KCNK9: variants seen among roughly 807,000 people sequenced by gnomAD.
KCNK9 encodes potassium channel subfamily K member 9.
KCNK9 carries 1 observed loss-of-function variant against 10.8 expected under a neutral mutation model. The ratio of observed to expected loss-of-function variants is 0.09; its 90% confidence interval spans 0.03 to 0.44. The LOEUF is 0.44. Among genes scored for constraint, KCNK9 ranks in the 20% least tolerant of loss-of-function variants. KCNK9 has a pLI of 0.97. For synonymous variants in KCNK9, 231 were observed against 222.7 expected (o/e 1.04, Z -0.33); for missense variants, 303 against 515.0 (o/e 0.59, Z 3.98).
At chr8:139,603,884 C>T (rs561753272) in intron 2 of KCNK9, among the ~76,000 whole-genome samples, 5 of 152,354 alleles carry the variant, frequency 3.3e-5, no homozygotes, top group East Asian at 1.9e-4. Flanking sequence ...AGGTCATAAA[C>T]CAAGAGCCAG....
intron 1 of KCNK9, among the ~76,000 whole-genome samples, chr8:139,636,517 C>A (rs190693414): frequency 6.6e-6 from 1 of 152,244 alleles, no homozygotes; most frequent in Non-Finnish European, 1.5e-5. Context: ...AGACTCAGCT[C>A]CTGCTGCTGA....
intron 1 of KCNK9, among the ~76,000 whole-genome samples, chr8:139,635,434 C>T (rs1298687364): frequency 6.6e-6 from 1 of 152,228 alleles, no homozygotes; most frequent in Non-Finnish European, 1.5e-5. Flanking sequence ...GACAGGGACA[C>T]TTTTATGGTC....
intron 1 of KCNK9, among the ~76,000 whole-genome samples, chr8:139,662,874 G>GA (rs36125659): frequency 0.45 from 56,257 of 126,372 alleles, 15,300 homozygotes; most frequent in East Asian, 0.87. Flanking sequence ...GGTGGGGGAA[G>GA]GGGGGGGGGC....
intron 1 of KCNK9, among the ~76,000 whole-genome samples, chr8:139,687,534 G>GTATACATA (rs1178133503): frequency 8.1e-6 from 1 of 123,724 alleles, no homozygotes; most frequent in African/African-American, 3.2e-5. Flanking sequence ...TCATATATAT[G>GTATACATA]TATACACATA....
intron 1 of KCNK9, among the ~76,000 whole-genome samples, chr8:139,648,570 G>A (rs957041080): frequency 5.9e-5 from 9 of 152,192 alleles, no homozygotes; most frequent in African/African-American, 1.9e-4. Context: ...ACAAATTCAG[G>A]AACTCGCCGG....
At position 139,672,023 on chromosome 8, in the gene KCNK9, G is replaced by A. The variant is rs749584719; in HGVS notation, c.283+30687C>T. 7.2e-4 allele frequency among the ~76,000 whole-genome samples: 110 copies of A among 152,298 alleles called. 2 individuals carry two copies. The highest frequency in any genetic ancestry group is 2.4e-3 in the African/African-American group (100 of 41,578). ...GCCCTGATGAACATGATGCAGCATC[G>A]GCTTGAGGCTAGGAGAACAAGGGCG... On this transcript the variant is annotated intron_variant, in intron 1 of 1. Coordinates refer to ENST00000520439, the MANE Select transcript of KCNK9 (RefSeq NM_001282534.2).
intron 1 of KCNK9, among the ~76,000 whole-genome samples, chr8:139,645,068 G>A (rs181850975): frequency 6.0e-4 from 92 of 152,312 alleles, no homozygotes; most frequent in East Asian, 2.7e-3. Flanking sequence ...CTCCCGCACC[G>A]TGTAGGCTTT....
At chr8:139,655,316 G>A (rs1815990518) in intron 1 of KCNK9, among the ~76,000 whole-genome samples, 1 of 152,184 alleles carries the variant, frequency 6.6e-6, no homozygotes, top group Non-Finnish European at 1.5e-5. Context: ...GCCACCTCTT[G>A]TAATCACGAG....
chr8:139,669,196 T>A (rs1454703791), intron 1 of KCNK9, among the ~76,000 whole-genome samples: 1 of 152,194 alleles, frequency 6.6e-6, no homozygotes, highest in Non-Finnish European at 1.5e-5. Context: ...TGTCTTCATG[T>A]GAATGGCTGC....
chr8:139,630,791 T>A (rs1244226290), intron 1 of KCNK9, among the ~76,000 whole-genome samples: 1 of 152,172 alleles, frequency 6.6e-6, no homozygotes, highest in Non-Finnish European at 1.5e-5. Flanking sequence ...TGGAGAAGGC[T>A]GCGGTCAAGG....
chr8:139,642,686 C>T (rs1344146135), intron 1 of KCNK9, among the ~76,000 whole-genome samples: 1 of 152,254 alleles, frequency 6.6e-6, no homozygotes, highest in Non-Finnish European at 1.5e-5. Context: ...CTGAGACCTG[C>T]ACCCAGTCCT....
chr8:139,657,833 C>T (rs1816058055), intron 1 of KCNK9, among the ~76,000 whole-genome samples: 1 of 152,214 alleles, frequency 6.6e-6, no homozygotes, highest in Non-Finnish European at 1.5e-5. Flanking sequence ...GGGGAGGCCT[C>T]TCCAGGACTC....
intron 1 of KCNK9, among the ~76,000 whole-genome samples, chr8:139,676,293 C>A (rs1240479468): frequency 6.6e-6 from 1 of 152,226 alleles, no homozygotes; most frequent in Non-Finnish European, 1.5e-5. Flanking sequence ...GTGGTGGATT[C>A]CCCCAACCCA....
At chr8:139,609,589 C>T (rs1586623514), downstream of KCNK9, among the ~76,000 whole-genome samples, 1 of 152,346 alleles carries the variant, frequency 6.6e-6, no homozygotes, top group African/African-American at 2.4e-5. Flanking sequence ...GTGGGCTGCT[C>T]TGCAGATACT....
chr8:139,635,065 G>A (rs536783567), intron 1 of KCNK9, among the ~76,000 whole-genome samples: 4 of 152,332 alleles, frequency 2.6e-5, no homozygotes, highest in South Asian at 2.1e-4. Context: ...GCAGCCAGCC[G>A]GGAGCAGGAG....
At chr8:139,690,317 G>A (rs1386887228) in intron 1 of KCNK9, among the ~76,000 whole-genome samples, 5 of 152,134 alleles carry the variant, frequency 3.3e-5, no homozygotes, top group South Asian at 2.1e-4. Flanking sequence ...TAGGATTGTC[G>A]AGAGGATGGA....
At chr8:139,611,698 C>G (rs1191846541), downstream of KCNK9, 2 of 152,308 alleles carry the variant, frequency 1.3e-5, no homozygotes, top group African/African-American at 2.4e-5. Flanking sequence ...GGCGTGGCAG[C>G]TTCCAGCCCT....
chr8:139,625,413 C>T (rs764253145), intron 1 of KCNK9, among the ~76,000 whole-genome samples: 9 of 152,362 alleles, frequency 5.9e-5, no homozygotes, highest in Non-Finnish European at 1.3e-4. Flanking sequence ...CCGTGAGCTC[C>T]CGAGGAGAGC....
intron 1 of KCNK9, among the ~76,000 whole-genome samples, chr8:139,678,688 G>A (rs1816617037): frequency 6.6e-6 from 1 of 152,252 alleles, no homozygotes; most frequent in Non-Finnish European, 1.5e-5. Context: ...CCTCTTTGGG[G>A]GTCAAGGCCT....
Sources: allele counts gnomAD v4.1 joint callset (sites outside exome capture counted in the v4.1 genomes callset), GRCh38; gene constraint gnomAD v4.1.1; transcripts MANE v1.5; gene names NCBI Gene and HGNC (gene_info 2026-07-23, HGNC 2026-07-21).